Variants in BIRC5 observed in about 807,000 individuals in gnomAD.
The protein encoded by BIRC5 is baculoviral IAP repeat-containing protein 5.
Under a neutral mutation model 15.8 loss-of-function variants are expected in BIRC5, and 8 were observed. That is an observed-to-expected ratio of 0.51 (90% confidence interval 0.30 to 0.91). The LOEUF is 0.91. Among genes scored for constraint, BIRC5 ranks in the 40% least tolerant of loss-of-function variants. The pLI, the probability that BIRC5 is intolerant of heterozygous loss-of-function variation, is 0.07. For missense variants in BIRC5, 163 were observed against 178.6 expected (o/e 0.91, Z 0.50); for synonymous variants, 56 against 64.5 (o/e 0.87, Z 0.63).
chr17:78,214,559 C>A, intron 1 of BIRC5, 121 bp from the exon 2 acceptor site: 1 of 1,261,826 alleles, frequency 7.9e-7, no homozygotes, highest in Non-Finnish European at 1.1e-6. Flanking sequence ...GCCACTGTGG[C>A]TGGGCCCCTT....
At chr17:78,222,587 C>T (rs1275221555) in intron 3 of BIRC5, among the ~76,000 whole-genome samples, 1 of 152,298 alleles carries the variant, frequency 6.6e-6, no homozygotes, top group South Asian at 2.1e-4. Flanking sequence ...ATCTCTTGAA[C>T]CCGGGAGGCA....
chr17:78,214,580 C>T, intron 1 of BIRC5, 100 bp from the exon 2 acceptor site: 1 of 1,304,242 alleles, frequency 7.7e-7, no homozygotes, highest in East Asian at 2.6e-5. Context: ...GGGTCCAGGC[C>T]GGCCTCCCCT....
chr17:78,216,260 A>AAG, intron 2 of BIRC5: 1 of 155,014 alleles, frequency 6.5e-6, no homozygotes, highest in Non-Finnish European at 1.4e-5. Context: ...AAAAAAAAAA[A>AAG]AAAAGAAAAA....
chr17:78,222,570 CAGG>C (rs1240755586), intron 3 of BIRC5, among the ~76,000 whole-genome samples: 1 of 152,096 alleles, frequency 6.6e-6, no homozygotes, highest in Admixed American at 6.6e-5. Context: ...GAGGCTGAGG[CAGG>C]AGAATCTCTT....
At chr17:78,214,648 C>G in intron 1 of BIRC5, 32 bp from the exon 2 acceptor site, 4 of 1,549,790 alleles carry the variant, frequency 2.6e-6, no homozygotes, top group Non-Finnish European at 2.6e-6. Flanking sequence ...CGGGCTGCCA[C>G]GTCCACTCAC....
At position 78,223,513 on chromosome 17, in the gene BIRC5, A is replaced by C. The variant is rs748494140; in HGVS notation, c.388A>C (p.Lys130Gln). Reference sequence around the variant, plus strand: ...GAAAGAATTTGAGGAAACTGCGGAGAAAGTGCGCCGTGCCATCGAGCAGCT... The same window carrying C: ...GAAAGAATTTGAGGAAACTGCGGAGCAAGTGCGCCGTGCCATCGAGCAGCT... ...KKKEFEETAE[K>Q]VRRAIEQLAA... Residue 130 changes from lysine (K) to glutamine (Q), a missense_variant, in exon 4 of 4, where the codon AAA (lysine) becomes CAA (glutamine). By Grantham distance (53) the Lys-to-Gln change is moderately conservative. Coordinates refer to ENST00000350051, the MANE Select transcript of BIRC5 (RefSeq NM_001168.3). The C allele has an allele frequency of 6.2e-7, 1 of 1,611,730 alleles. No individual in the cohort carries two copies. The highest frequency in any genetic ancestry group is 1.1e-5 in the South Asian group (1 of 90,544).
rs773436803 is a variant in BIRC5, at chr17:78,216,770, A to C, written c.328A>C (p.Lys110Gln). Residue 110 changes from lysine (K) to glutamine (Q), a missense_variant, in exon 3 of 4, where the codon AAG (lysine) becomes CAG (glutamine). Lys to Gln is a moderately conservative substitution (Grantham distance 53, BLOSUM62 1). Transcript: ENST00000350051. Reference protein sequence around the residue: ...EFLKLDRERAKNKIAKETNNK... With the variant: ...EFLKLDRERAQNKIAKETNNK... Reference sequence around the variant, plus strand: ...TTTGAAACTGGACAGAGAAAGAGCCAAGAACAAAATTGTATGTATTGGGAA... The same window carrying C: ...TTTGAAACTGGACAGAGAAAGAGCCCAGAACAAAATTGTATGTATTGGGAA... 1.2e-6 allele frequency: 2 copies of C among 1,613,460 alleles called. No homozygotes were observed. Among genetic ancestry groups the C allele is most frequent in the Non-Finnish European group, 1.7e-6 (2 of 1,179,628 alleles).
chr17:78,214,589 C>T lies in BIRC5; in HGVS notation c.112-91C>T. On this transcript the variant is annotated intron_variant, in intron 1 of 3. Coordinates refer to ENST00000350051, the MANE Select transcript of BIRC5 (RefSeq NM_001168.3). ...CCCCTTGGGTCCAGGCCGGCCTCCC[C>T]TCCCTGCTTTGTCCCCATCGAGGCC... 2.2e-6 allele frequency: 3 copies of T among 1,346,738 alleles called. No homozygotes were observed. The South Asian group carries it at 4.2e-5, about 19-fold the overall frequency. 83.4% of individuals were successfully genotyped at this position (1,346,738 alleles called of 1,614,324 possible). A position where few individuals can be genotyped will look rare whatever the true frequency, so the allele number is the denominator to read the frequency against.
At chr17:78,218,171 C>T (rs556006050) in intron 3 of BIRC5, among the ~76,000 whole-genome samples, 12 of 151,482 alleles carry the variant, frequency 7.9e-5, no homozygotes, top group Admixed American at 2.0e-4. Context: ...GGAGTGTGGC[C>T]GGTATAAGTA....
At chr17:78,218,907 T>A (rs1016893118) in intron 3 of BIRC5, among the ~76,000 whole-genome samples, 1 of 152,052 alleles carries the variant, frequency 6.6e-6, no homozygotes, top group Non-Finnish European at 1.5e-5. Flanking sequence ...GCACCAGGCC[T>A]GGGCGTCATA....
chr17:78,223,290 T>C (rs924463537), intron 3 of BIRC5, among the ~76,000 whole-genome samples, 175 bp from the exon 4 acceptor site: 1 of 152,104 alleles, frequency 6.6e-6, no homozygotes, highest in Non-Finnish European at 1.5e-5. Flanking sequence ...CTAGAGGGAG[T>C]TGAGCTGAAT....
Position 78,225,240 on chromosome 17 carries a change from G to A in BIRC5, c.*1686G>A, listed in dbSNP as rs1453643303. The A allele has an allele frequency of 6.6e-6, 1 of 152,224 alleles. No individual in the cohort carries two copies. Among genetic ancestry groups the A allele is most frequent in the Non-Finnish European group, 1.5e-5 (1 of 68,052 alleles). 9.4% of individuals were successfully genotyped at this position (152,224 alleles called of 1,614,324 possible). A position where few individuals can be genotyped will look rare whatever the true frequency, so the allele number is the denominator to read the frequency against. Reference sequence around the variant, plus strand: ...TGGAGCCGCCCCTCTCAGCCCGCCTGCCACGGCCTTTCCTTAAAGGCCATC... The same window carrying A: ...TGGAGCCGCCCCTCTCAGCCCGCCTACCACGGCCTTTCCTTAAAGGCCATC... On this transcript the variant is annotated 3_prime_UTR_variant, in exon 4 of 4. Coordinates refer to ENST00000350051, the MANE Select transcript of BIRC5 (RefSeq NM_001168.3).
intron 3 of BIRC5, among the ~76,000 whole-genome samples, chr17:78,222,670 A>G (rs545833463): frequency 1.3e-5 from 2 of 152,332 alleles, no homozygotes; most frequent in South Asian, 2.1e-4. Context: ...CGTCTCAAAA[A>G]AAAAGTAATT....
chr17:78,222,372 A>G (rs909139813), intron 3 of BIRC5, among the ~76,000 whole-genome samples: 4 of 151,860 alleles, frequency 2.6e-5, no homozygotes, highest in Non-Finnish European at 4.4e-5. Context: ...GTACATATTG[A>G]AAAGTAATTT....
intron 3 of BIRC5, among the ~76,000 whole-genome samples, chr17:78,220,583 A>G (rs2661686): frequency 0.64 from 97,376 of 152,036 alleles, 31,246 homozygotes; most frequent in Middle Eastern, 0.76. Flanking sequence ...TACAGCCTGC[A>G]AGAAAAGTAG....
chr17:78,219,700 G>A (rs1377118837), intron 3 of BIRC5, among the ~76,000 whole-genome samples: 2 of 152,180 alleles, frequency 1.3e-5, no homozygotes, highest in African/African-American at 2.4e-5. Flanking sequence ...CTTAGCCCTC[G>A]TGGGTCAGAG....
rs1160255149 is a variant in BIRC5 at position 78,225,477 on chromosome 17, T to C, written c.*1923T>C. Reference sequence around the variant, plus strand: ...TATGGGTGAGGTTCCAATGGCAGGTTAGAGCCCCTCGGGCCAACTGCCATC... The same window carrying C: ...TATGGGTGAGGTTCCAATGGCAGGTCAGAGCCCCTCGGGCCAACTGCCATC... On this transcript the variant is annotated 3_prime_UTR_variant, in exon 4 of 4. Transcript: ENST00000350051. 1 of 152,226 alleles carries C rather than the reference T, an allele frequency of 6.6e-6. No individual in the cohort carries two copies. Among genetic ancestry groups the C allele is most frequent in the Non-Finnish European group, 1.5e-5 (1 of 68,056 alleles). The allele number at this position is 152,226 out of a possible 1,614,324, so 9.4% of individuals were successfully genotyped here.
intron 3 of BIRC5, among the ~76,000 whole-genome samples, chr17:78,220,535 A>G (rs1221381578): frequency 6.6e-6 from 1 of 152,108 alleles, no homozygotes; most frequent in Non-Finnish European, 1.5e-5. Flanking sequence ...CTATCTCCTG[A>G]TAGTCAGACC....
At chr17:78,220,979 G>C (rs949416458) in intron 3 of BIRC5, among the ~76,000 whole-genome samples, 5 of 152,190 alleles carry the variant, frequency 3.3e-5, no homozygotes, top group African/African-American at 1.2e-4. Flanking sequence ...GCCTTGCCAG[G>C]GTGCCAGGAG....
Sources: gnomAD v4.1 joint callset for allele counts (sites outside exome capture counted in the v4.1 genomes callset) on GRCh38, gnomAD v4.1.1 for gene constraint, MANE v1.5 for transcripts, NCBI Gene and HGNC (gene_info 2026-07-23, HGNC 2026-07-21) for gene names.